Variants in TCF25 observed in about 807,000 individuals in gnomAD.
The protein encoded by TCF25 is ribosome quality control complex subunit TCF25.
TCF25 carries 41 observed loss-of-function variants against 83.1 expected under a neutral mutation model. The ratio of observed to expected loss-of-function variants is 0.49; its 90% CI spans 0.38 to 0.64. TCF25 has a LOEUF of 0.64. Ranked by LOEUF, TCF25 falls within the 30% of genes least tolerant of loss-of-function variation. The probability of loss-of-function intolerance (pLI) is 0.00; values close to 1 mark genes in which losing one functional copy is unlikely to be tolerated. For missense variants in TCF25, 979 were observed against 914.5 expected, an observed-to-expected ratio of 1.07 and a Z score of -0.91; for synonymous variants, 458 against 365.0, an observed-to-expected ratio of 1.25 and a Z score of -2.90.
At chr16:89,897,834 A>T (rs959656124) in intron 9 of TCF25, among the ~76,000 whole-genome samples, 1 of 152,176 alleles carries the variant, frequency 6.6e-6, no homozygotes, top group Non-Finnish European at 1.5e-5. Flanking sequence ...TAAAGATTTC[A>T]GCGGGGCGTG....
intron 4 of TCF25, among the ~76,000 whole-genome samples, chr16:89,886,474 G>A (rs1197795875): frequency 1.3e-5 from 2 of 150,900 alleles, no homozygotes; most frequent in Non-Finnish European, 3.0e-5. Context: ...TACTCATTTA[G>A]GAAATAGGCC....
intron 2 of TCF25, chr16:89,884,058 G>A (rs1174485264): frequency 6.0e-6 from 1 of 166,874 alleles, no homozygotes; most frequent in African/African-American, 2.4e-5. Flanking sequence ...GAGCTTGCTG[G>A]GTGCTGGGAA....
At position 89,884,528 on chromosome 16, in the gene TCF25, ACTT is replaced by A. The variant is rs919819407; in HGVS notation, c.355-50_355-48del. The A allele has an allele frequency of 2.5e-6, 4 of 1,588,598 alleles. No individual in the cohort carries two copies. In the Admixed American group the frequency reaches 6.8e-5, roughly 27 times the overall value. ...AGTCACGCTTGCTGCTTTAATTCTC[ACTT>A]CTTAAGATTTACTTCTCATTCTACT... On this transcript the variant is annotated intron_variant, in intron 2 of 17. Transcript: ENST00000263346.
chr16:89,881,101 C>T (rs539738266), intron 1 of TCF25, among the ~76,000 whole-genome samples: 2 of 152,162 alleles, frequency 1.3e-5, no homozygotes, highest in African/African-American at 2.4e-5. Flanking sequence ...CTTGTCTCAG[C>T]GGGCGTTTAA....
chr16:89,889,188 CT>C (rs1373604452), intron 5 of TCF25: 15 of 396,324 alleles, frequency 3.8e-5, no homozygotes, highest in Admixed American at 9.2e-5. Flanking sequence ...AAGGCTTTGT[CT>C]TTTTTTTATT....
chr16:89,873,980 T>G, intron 1 of TCF25, 121 bp downstream of exon 1: 67 of 904,980 alleles, frequency 7.4e-5, no homozygotes, highest in East Asian at 1.8e-4. Context: ...GTGACGTGGG[T>G]CCCAGCCGCA....
chr16:89,911,161 A>G lies in TCF25; in HGVS notation c.1954A>G (p.Met652Val), dbSNP rs941967302. Residue 652 changes from methionine to valine, a missense_variant, in exon 18 of 18, where the codon ATG becomes GTG. Physicochemically the swap from Met to Val is conservative, Grantham distance 21 (BLOSUM62 1). Transcript: ENST00000263346. Reference protein sequence around the residue: ...LNRLMLAVRDMMANFHLNDLE... With the variant: ...LNRLMLAVRDVMANFHLNDLE... The stretch of plus-strand genomic sequence containing the variant: ...CAGGCTGATGCTGGCTGTGCGCGAC[A>G]TGATGGCCAACTTCCACCTCAACGA... 17 of 1,612,160 alleles carry G rather than the reference A, an allele frequency of 1.1e-5. No individual in the cohort carries two copies. The highest frequency in any genetic ancestry group is 1.7e-5 in the Admixed American group (1 of 59,996).
At chr16:89,904,632 G>T in intron 13 of TCF25, 1 of 528,390 alleles carries the variant, frequency 1.9e-6, no homozygotes, top group Non-Finnish European at 3.5e-6. Flanking sequence ...CACGCCTTGG[G>T]GTCATCCCCT....
chr16:89,903,618 C>T (rs1346381511), intron 12 of TCF25, among the ~76,000 whole-genome samples: 1 of 152,144 alleles, frequency 6.6e-6, no homozygotes, highest in Non-Finnish European at 1.5e-5. Context: ...CCAGCCTGGC[C>T]AGCATGGTGA....
At chr16:89,908,695 G>C (rs369171900) in intron 16 of TCF25, among the ~76,000 whole-genome samples, 4 of 4,762 alleles carry the variant, frequency 8.4e-4, no homozygotes, top group Non-Finnish European at 1.0e-3. Context: ...CCCACCTCCC[G>C]CCTCCCAGCT....
chr16:89,898,394 G>A (rs11648301), intron 9 of TCF25, among the ~76,000 whole-genome samples, 163 bp from the exon 10 acceptor site: 6,036 of 111,264 alleles, frequency 0.054, 568 homozygotes, highest in African/African-American at 0.24. Context: ...GTGGGGTGGA[G>A]CGGGTGTTGA....
intron 2 of TCF25, 130 bp from the exon 3 acceptor site, chr16:89,884,452 G>A: frequency 1.2e-6 from 1 of 865,724 alleles, no homozygotes; most frequent in Non-Finnish European, 1.8e-6. Flanking sequence ...GTGAGTTGAA[G>A]GAACTTTTGG....
intron 17 of TCF25, 70 bp from the exon 18 acceptor site, chr16:89,911,010 C>G: frequency 6.3e-7 from 1 of 1,589,792 alleles, no homozygotes; most frequent in Non-Finnish European, 8.6e-7. Context: ...CACAGTGCCT[C>G]CTGCTTGGGC....
intron 13 of TCF25, 87 bp downstream of exon 13, chr16:89,904,292 G>A: frequency 7.0e-7 from 1 of 1,422,178 alleles, no homozygotes; most frequent in South Asian, 1.2e-5. Flanking sequence ...GAGGCCCTGA[G>A]GGACCTGCTT....
intron 1 of TCF25, chr16:89,878,665 G>C: frequency 2.8e-6 from 3 of 1,083,790 alleles, no homozygotes; most frequent in Non-Finnish European, 3.4e-6. Context: ...TTTTGAGACG[G>C]AGTCTTGCGC....
chr16:89,910,659 T>TG lies in TCF25; in HGVS notation c.1870dup (p.Glu624GlyfsTer47). The TG allele has an allele frequency of 6.2e-7, 1 of 1,613,228 alleles. No individual in the cohort carries two copies. The highest frequency in any genetic ancestry group is 8.5e-7 in the Non-Finnish European group (1 of 1,179,854). On this transcript the variant is annotated frameshift_variant, in exon 17 of 18. Transcript: ENST00000263346. LOFTEE classifies it high-confidence loss of function. ...CGGTCACTGTTGCCAAACTATACCA[T>TG]GGAGGTAGGTTGAGCTCGTCCCAGC... is the stretch of plus-strand genomic sequence containing the variant.
At chr16:89,890,539 A>G (rs2043351646) in intron 5 of TCF25, 1 of 152,048 alleles carries the variant, frequency 6.6e-6, no homozygotes, top group South Asian at 2.1e-4. Context: ...CCTTCCCTGG[A>G]TTTCTAACAG....
intron 8 of TCF25, 135 bp from the exon 9 acceptor site, chr16:89,895,855 C>G (rs2043809944): frequency 1.4e-6 from 1 of 712,258 alleles, no homozygotes; most frequent in Non-Finnish European, 2.3e-6. Context: ...AGGGGCATGT[C>G]TGCCCTCTCA....
intron 16 of TCF25, chr16:89,909,852 G>A (rs546836636): frequency 6.6e-6 from 1 of 152,512 alleles, no homozygotes; most frequent in African/African-American, 2.4e-5. Context: ...ACGGCACATT[G>A]AGAGAACAAA....
Sources: allele counts gnomAD v4.1 joint callset (sites outside exome capture counted in the v4.1 genomes callset), GRCh38; gene constraint gnomAD v4.1.1; transcripts MANE v1.5; gene names NCBI Gene and HGNC (gene_info 2026-07-23, HGNC 2026-07-21).